Variants in POU2F2 observed in about 807,000 individuals in gnomAD.
POU2F2 encodes POU domain, class 2, transcription factor 2.
A neutral mutation model predicts 63.5 loss-of-function variants in POU2F2; 14 were observed. That is an observed-to-expected ratio of 0.22 (90% CI 0.15 to 0.34). The LOEUF is 0.34. Among genes scored for constraint, POU2F2 ranks in the 10% least tolerant of loss-of-function variants. The pLI, the probability that POU2F2 is intolerant of heterozygous loss-of-function variation, is 1.00. For synonymous variants in POU2F2, 306 were observed against 348.6 expected, an observed-to-expected ratio of 0.88 and a Z score of 1.36; for missense variants, 607 against 815.2, an observed-to-expected ratio of 0.74 and a Z score of 3.11.
intron 1 of POU2F2, among the ~76,000 whole-genome samples, chr19:42,187,614 T>C (rs2035027021): frequency 6.6e-6 from 1 of 151,258 alleles, no homozygotes; most frequent in Admixed American, 6.6e-5. Context: ...CTACAAAAAT[T>C]AGCTGGGCAT....
At chr19:42,113,805 G>A (rs976990734) in intron 5 of POU2F2, among the ~76,000 whole-genome samples, 5 of 152,174 alleles carry the variant, frequency 3.3e-5, no homozygotes, top group Admixed American at 3.3e-4. Context: ...AGTGGACTGG[G>A]GGGTGGAGGT....
intron 1 of POU2F2, among the ~76,000 whole-genome samples, chr19:42,167,136 A>G (rs1218058040): frequency 6.6e-6 from 1 of 152,202 alleles, no homozygotes; most frequent in East Asian, 1.9e-4. Context: ...GAAGGAAAAT[A>G]AAGCAGGGAG....
At chr19:42,142,185 AG>A (rs1330638856) in intron 2 of POU2F2, among the ~76,000 whole-genome samples, 1 of 152,132 alleles carries the variant, frequency 6.6e-6, no homozygotes, top group Non-Finnish European at 1.5e-5. Context: ...TAGTAACTTC[AG>A]TTTTGGTTTG....
chr19:42,192,863 G>A (rs1406852326), intron 1 of POU2F2, among the ~76,000 whole-genome samples: 1 of 152,168 alleles, frequency 6.6e-6, no homozygotes, highest in Non-Finnish European at 1.5e-5. Context: ...ATTCAGTGCT[G>A]GTGGGAGAGT....
intron 1 of POU2F2, among the ~76,000 whole-genome samples, chr19:42,181,978 TGTCTTGGTTACAA>T: frequency 6.6e-6 from 1 of 152,268 alleles, no homozygotes; most frequent in Admixed American, 6.5e-5. Flanking sequence ...TACATCTTGG[TGTCTTGGTTACAA>T]GTCTTGGGGC....
upstream of POU2F2, chr19:42,132,602 C>G: frequency 2.2e-6 from 1 of 457,678 alleles, no homozygotes; most frequent in South Asian, 5.2e-5. Context: ...TGTGTGTGTG[C>G]TGGGGGGTGG....
chr19:42,197,836 T>C (rs376398486), upstream of POU2F2, among the ~76,000 whole-genome samples: 516 of 152,238 alleles, frequency 3.4e-3, 5 homozygotes, highest in African/African-American at 0.012. Flanking sequence ...CTTAGGCGCT[T>C]CATCAGCCTT....
At chr19:42,118,214 T>C (rs943094218) in intron 4 of POU2F2, among the ~76,000 whole-genome samples, 15 of 152,230 alleles carry the variant, frequency 9.9e-5, no homozygotes, top group Admixed American at 9.8e-4. Flanking sequence ...CATAAGCCAC[T>C]GCACCTAGCC....
intron 5 of POU2F2, among the ~76,000 whole-genome samples, chr19:42,108,470 G>A (rs2030510661): frequency 6.6e-6 from 1 of 152,152 alleles, no homozygotes; most frequent in African/African-American, 2.4e-5. Context: ...AGCTACTCGG[G>A]AGACTGAGGT....
chr19:42,120,541 C>G (rs558415132), intron 4 of POU2F2, among the ~76,000 whole-genome samples: 2 of 152,272 alleles, frequency 1.3e-5, no homozygotes, highest in East Asian at 3.9e-4. Flanking sequence ...TTTTAATAAG[C>G]CTCTTTTTAA....
chr19:42,190,116 G>A (rs2035059939), intron 1 of POU2F2, among the ~76,000 whole-genome samples: 2 of 152,128 alleles, frequency 1.3e-5, no homozygotes, highest in Admixed American at 6.6e-5. Context: ...GGAAGGTGTG[G>A]AAACAGGGAA....
At chr19:42,174,732 C>G (rs368292145) in intron 1 of POU2F2, among the ~76,000 whole-genome samples, 138 of 151,986 alleles carry the variant, frequency 9.1e-4, no homozygotes, top group African/African-American at 3.2e-3. Context: ...TCTGTACCCA[C>G]CAGCCCCCCA....
chr19:42,167,451 C>A (rs753555283), intron 1 of POU2F2, among the ~76,000 whole-genome samples: 8 of 151,406 alleles, frequency 5.3e-5, no homozygotes, highest in Non-Finnish European at 1.2e-4. Flanking sequence ...AACACTCTGT[C>A]CCCCCAAACT....
At chr19:42,161,742 G>T (rs1238404930) in intron 1 of POU2F2, among the ~76,000 whole-genome samples, 1 of 152,070 alleles carries the variant, frequency 6.6e-6, no homozygotes. Context: ...TCTCTCCCTG[G>T]GCCTTCATCT....
chr19:42,119,812 A>T (rs967359571), intron 4 of POU2F2, among the ~76,000 whole-genome samples: 4 of 152,352 alleles, frequency 2.6e-5, no homozygotes, highest in Admixed American at 6.5e-5. Context: ...TGGTGAGCAC[A>T]CTATTCCCTT....
At chr19:42,176,670 C>T (rs1599721570), upstream of POU2F2, among the ~76,000 whole-genome samples, 1 of 148,862 alleles carries the variant, frequency 6.7e-6, no homozygotes, top group Admixed American at 6.7e-5. Context: ...CCCGCCCCCA[C>T]GTACACCTCT....
At chr19:42,135,234 A>C (rs2033979859), upstream of POU2F2, among the ~76,000 whole-genome samples, 1 of 151,918 alleles carries the variant, frequency 6.6e-6, no homozygotes, top group Non-Finnish European at 1.5e-5. Flanking sequence ...TTGGCAGGAG[A>C]CAGGGAGACC....
At chr19:42,131,977 G>A (rs2033777607) in intron 1 of POU2F2, among the ~76,000 whole-genome samples, 1 of 152,054 alleles carries the variant, frequency 6.6e-6, no homozygotes, top group Admixed American at 6.5e-5. Flanking sequence ...TACCAGATGT[G>A]CACACACACA....
In POU2F2 at chr19:42,090,006, C is replaced by T. The variant is rs1420023924; in HGVS notation, c.*1251G>A. On this transcript the variant is annotated 3_prime_UTR_variant, in exon 15 of 15. Coordinates refer to ENST00000692977, the MANE Select transcript of POU2F2 (RefSeq NM_001394376.1). The surrounding 1 kb of genome is among the most constrained non-coding windows in gnomAD (Gnocchi z 4.4). ...ACCACAGGCTGTGGCACTGTCCCCA[C>T]CACATGGACCCTGATGGGGATGCCA... is the stretch of plus-strand genomic sequence containing the variant. 6.6e-6 allele frequency: 1 copy of T among 152,402 alleles called. No individual in the cohort carries two copies. Among genetic ancestry groups the T allele is most frequent in the Non-Finnish European group, 1.5e-5 (1 of 68,050 alleles). The allele number at this position is 152,402 out of a possible 1,614,324, so 9.4% of individuals were successfully genotyped here. A position where few individuals can be genotyped will look rare whatever the true frequency, so the allele number is the denominator to read the frequency against.
Sources: gnomAD v4.1 joint callset for allele counts (sites outside exome capture counted in the v4.1 genomes callset) on GRCh38, gnomAD v4.1.1 for gene constraint, Gnocchi (gnomAD v3.1) non-coding constraint, MANE v1.5 for transcripts, NCBI Gene and HGNC (gene_info 2026-07-23, HGNC 2026-07-21) for gene names.